TSPAN18: variants seen among roughly 807,000 people sequenced by gnomAD.
TSPAN18 encodes tetraspanin 18.
Under a neutral mutation model 27.3 loss-of-function variants are expected in TSPAN18, and 14 were observed. The ratio of observed to expected loss-of-function variants is 0.51; its 90% CI spans 0.34 to 0.80. The LOEUF (loss-of-function observed/expected upper bound fraction) is 0.80, where lower values mean the gene tolerates loss of function less well. TSPAN18 is among the 30% of genes least tolerant of loss of function. TSPAN18 has a pLI of 0.01. For synonymous variants in TSPAN18, 143 were observed against 136.5 expected, an observed-to-expected ratio of 1.05 and a Z score of -0.33; for missense variants, 268 against 323.9, an observed-to-expected ratio of 0.83 and a Z score of 1.32.
chr11:44,860,537 AAGGGTAACCATCAGC>A (rs1857849607), intron 3 of TSPAN18, 68 bp downstream of exon 3: 1 of 152,254 alleles, frequency 6.6e-6, no homozygotes, highest in African/African-American at 2.4e-5. Context: ...TGTTGTTGCT[AAGGGTAACCATCAGC>A]AGGGCACCTG....
At chr11:44,894,583 C>G (rs569925873) in intron 3 of TSPAN18, among the ~76,000 whole-genome samples, 1 of 152,200 alleles carries the variant, frequency 6.6e-6, no homozygotes, top group Non-Finnish European at 1.5e-5. Context: ...GCCATCTGGG[C>G]GACAGGAGGG....
intron 2 of TSPAN18, among the ~76,000 whole-genome samples, chr11:44,857,877 A>G (rs1204901215): frequency 6.7e-6 from 1 of 149,480 alleles, no homozygotes; most frequent in African/African-American, 2.4e-5. Flanking sequence ...GCCCACCCCC[A>G]CATGCTGCCA....
At chr11:44,727,780 C>T (rs1359315176) in intron 1 of TSPAN18, among the ~76,000 whole-genome samples, 8 of 152,186 alleles carry the variant, frequency 5.3e-5, no homozygotes, top group Non-Finnish European at 8.8e-5. Context: ...CTTTGGGGTC[C>T]CTGGCAGCGG....
At chr11:44,840,022 G>A (rs1488832164) in intron 2 of TSPAN18, among the ~76,000 whole-genome samples, 2 of 152,234 alleles carry the variant, frequency 1.3e-5, no homozygotes, top group Admixed American at 1.3e-4. Flanking sequence ...TCATGGCTAC[G>A]TCAGGAGTGA....
chr11:44,807,550 A>AAC (rs1491081147), intron 2 of TSPAN18, among the ~76,000 whole-genome samples: 1 of 142,686 alleles, frequency 7.0e-6, no homozygotes, highest in Non-Finnish European at 1.5e-5. Flanking sequence ...AAAAAAAAAA[A>AAC]AGAAAAGAAA....
rs1860496224 is a variant in TSPAN18 at position 44,929,707 on chromosome 11, C to T, written c.*529C>T. The T allele has an allele frequency of 6.5e-6, 1 of 154,176 alleles. No homozygotes were observed. Among genetic ancestry groups the T allele is most frequent in the Non-Finnish European group, 1.4e-5 (1 of 69,458 alleles). 9.6% of individuals were successfully genotyped at this position (154,176 alleles called of 1,614,324 possible). A position where few individuals can be genotyped will look rare whatever the true frequency, so the allele number is the denominator to read the frequency against. ...ACTGTTCCCCCCTTCAGGCCGGGGC[C>T]AAGAGTGAGCTGCTAACACGGCATC... On this transcript the variant is annotated 3_prime_UTR_variant, in exon 10 of 10. Transcript: ENST00000520358.
intron 2 of TSPAN18, among the ~76,000 whole-genome samples, chr11:44,777,731 A>C (rs1269016543): frequency 6.6e-6 from 1 of 152,118 alleles, no homozygotes; most frequent in African/African-American, 2.4e-5. Context: ...GGTTCCCTGA[A>C]GCCTGCCTCC....
chr11:44,807,534 AAAAAAAAAAAAAAAAAAG>A (rs1856626386), intron 2 of TSPAN18, among the ~76,000 whole-genome samples: 1 of 145,340 alleles, frequency 6.9e-6, no homozygotes, highest in African/African-American at 2.4e-5. Flanking sequence ...TCTCAAAAAA[AAAAAAAAAAAAAAAAAAG>A]AAAAGAAAAA....
intron 2 of TSPAN18, among the ~76,000 whole-genome samples, chr11:44,827,043 G>T (rs991858509): frequency 6.6e-6 from 1 of 152,218 alleles, no homozygotes; most frequent in East Asian, 1.9e-4. Context: ...TTTAGCTCAC[G>T]AGGGCCCTGA....
At chr11:44,727,489 A>G (rs893510674) in intron 1 of TSPAN18, among the ~76,000 whole-genome samples, 24 of 151,898 alleles carry the variant, frequency 1.6e-4, no homozygotes, top group Admixed American at 3.9e-4. Flanking sequence ...GACGGTCTCC[A>G]CCCCGTGCCT....
intron 8 of TSPAN18, among the ~76,000 whole-genome samples, chr11:44,920,634 C>T (rs1378979155): frequency 2.0e-5 from 3 of 152,192 alleles, no homozygotes; most frequent in South Asian, 2.1e-4. Flanking sequence ...CCCTTCTTCC[C>T]ACTGACCAGC....
chr11:44,880,838 G>A (rs1357214811), intron 3 of TSPAN18, among the ~76,000 whole-genome samples: 1 of 152,248 alleles, frequency 6.6e-6, no homozygotes, highest in African/African-American at 2.4e-5. Context: ...GAGCCCACCT[G>A]CCAGGGCAGC....
At chr11:44,887,867 T>A (rs1046114350) in intron 3 of TSPAN18, among the ~76,000 whole-genome samples, 8 of 152,190 alleles carry the variant, frequency 5.3e-5, no homozygotes, top group African/African-American at 1.9e-4. Context: ...CCAGGCCCCC[T>A]TAATACCCGT....
chr11:44,880,379 C>T lies in TSPAN18; in HGVS notation c.-11+19910C>T, dbSNP rs187765505. ...TGCTCTGTTAGCCTCTCCCAAGCTG[C>T]ATAACCCTGGTGAAGGGGTGTCACC... is the stretch of plus-strand genomic sequence containing the variant. On this transcript the variant is annotated intron_variant, in intron 3 of 9. Transcript: ENST00000520358. Among the ~76,000 whole-genome samples the T allele has an allele frequency of 4.1e-5, 6 of 148,040 alleles. No homozygotes were observed. In the East Asian group the frequency reaches 1.2e-3, roughly 29 times the overall value.
At chr11:44,762,024 G>A (rs1455226907) in intron 1 of TSPAN18, among the ~76,000 whole-genome samples, 2 of 152,212 alleles carry the variant, frequency 1.3e-5, no homozygotes, top group African/African-American at 4.8e-5. Context: ...GGTTCCTTCT[G>A]CCCTGCACTG....
chr11:44,918,642 G>T (rs891979665), intron 6 of TSPAN18, among the ~76,000 whole-genome samples: 18 of 152,042 alleles, frequency 1.2e-4, no homozygotes, highest in Admixed American at 1.2e-3. Flanking sequence ...TAGCCAGCAC[G>T]GAGCAGAGGA....
rs1291455838 is a variant in TSPAN18, at chr11:44,909,816, C to T, written c.175C>T (p.Leu59=). The T allele has an allele frequency of 3.7e-6, 6 of 1,614,100 alleles. No individual in the cohort carries two copies. In the South Asian group the frequency reaches 6.6e-5, roughly 18 times the overall value. Residue 59 remains leucine (L), a synonymous_variant, in exon 5 of 10, where the codon CTG becomes TTG. Transcript: ENST00000520358. ...PLLLTGAYIL[L]AMGGLLFLLG... ...GCTCCTCACGGGCGCCTACATCCTC[C>T]TGGCCATGGGGGGCCTGCTCTTTCT...
chr11:44,730,302 GAA>G, intron 1 of TSPAN18, among the ~76,000 whole-genome samples: 1 of 152,296 alleles, frequency 6.6e-6, no homozygotes, highest in Middle Eastern at 3.4e-3. Context: ...CTCTTCTTGG[GAA>G]GAGCCCTTTC....
intron 2 of TSPAN18, among the ~76,000 whole-genome samples, chr11:44,777,809 G>A (rs1855848553): frequency 6.6e-6 from 1 of 152,096 alleles, no homozygotes; most frequent in Non-Finnish European, 1.5e-5. Flanking sequence ...GGGTGTCCGG[G>A]TAGACGTGCC....
Sources: allele counts gnomAD v4.1 joint callset (sites outside exome capture counted in the v4.1 genomes callset), GRCh38; gene constraint gnomAD v4.1.1; transcripts MANE v1.5; gene names NCBI Gene and HGNC (gene_info 2026-07-23, HGNC 2026-07-21).